ZNF423: variants seen among roughly 807,000 people sequenced by gnomAD.
ZNF423 encodes the protein Ebf-associated zinc finger protein.
A neutral mutation model predicts 95.8 loss-of-function variants in ZNF423; 12 were observed. The observed-to-expected ratio is 0.13, with a 90% confidence interval of 0.08 to 0.20. ZNF423 has a LOEUF of 0.20. Among genes scored for constraint, ZNF423 ranks in the 10% least tolerant of loss-of-function variants. The probability of loss-of-function intolerance (pLI) is 1.00; values close to 1 mark genes in which losing one functional copy is unlikely to be tolerated. For missense variants in ZNF423, 1,316 were observed against 1,737.1 expected, an observed-to-expected ratio of 0.76 and a Z score of 4.31; for synonymous variants, 749 against 711.9, an observed-to-expected ratio of 1.05 and a Z score of -0.83.
chr16:49,796,686 G>A (rs372876951), intron 1 of ZNF423, among the ~76,000 whole-genome samples: 1 of 152,192 alleles, frequency 6.6e-6, no homozygotes, highest in East Asian at 1.9e-4. Context: ...AGGGTCAGAG[G>A]AGGCCTCTAG....
chr16:49,596,855 G>A (rs927896276), intron 5 of ZNF423, among the ~76,000 whole-genome samples: 18 of 152,178 alleles, frequency 1.2e-4, no homozygotes, highest in African/African-American at 4.3e-4. Flanking sequence ...TCACCCCCTA[G>A]GGATTGGCAG....
At chr16:49,824,086 T>G (rs1290000535) in intron 1 of ZNF423, among the ~76,000 whole-genome samples, 1 of 150,926 alleles carries the variant, frequency 6.6e-6, no homozygotes, top group Non-Finnish European at 1.5e-5. Flanking sequence ...CAAAAAAAAT[T>G]TTTTTTTAAT....
chr16:49,624,191 C>T (rs530846846), intron 5 of ZNF423, among the ~76,000 whole-genome samples: 18 of 151,848 alleles, frequency 1.2e-4, no homozygotes, highest in South Asian at 4.2e-4. Context: ...TATATATAAA[C>T]GCAAAATATA....
chr16:49,818,432 G>A (rs957083995), intron 1 of ZNF423, among the ~76,000 whole-genome samples: 11 of 152,182 alleles, frequency 7.2e-5, no homozygotes, highest in African/African-American at 2.2e-4. Flanking sequence ...AAATCAAACT[G>A]GGCATGGTGG....
At chr16:49,579,973 T>C (rs902774993) in intron 5 of ZNF423, among the ~76,000 whole-genome samples, 1 of 152,132 alleles carries the variant, frequency 6.6e-6, no homozygotes, top group African/African-American at 2.4e-5. Flanking sequence ...GCCACCACCA[T>C]GGACTGTCAT....
At position 49,745,567 on chromosome 16, in the gene ZNF423, T is replaced by C. The variant is rs116444424; in HGVS notation, c.101-14596A>G. ...ATTACCTTGAAGCCCAGCAAACTCG[T>C]ACCTGACTGTCTATTGTGAAGACAT... On this transcript the variant is annotated intron_variant, in intron 2 of 7. Transcript: ENST00000563137. 7.6e-3 allele frequency among the ~76,000 whole-genome samples: 1,154 copies of C among 152,336 alleles called. 21 individuals are homozygous for C. Among genetic ancestry groups the C allele is most frequent in the African/African-American group, 0.026 (1,099 of 41,580 alleles).
In ZNF423 at chr16:49,778,726, G is replaced by A. The variant is rs140824856; in HGVS notation, c.100+10761C>T. On this transcript the variant is annotated intron_variant, in intron 2 of 7. Coordinates refer to ENST00000563137, the MANE Select transcript of ZNF423 (RefSeq NM_001379286.1). ...GGGGAGAAAGGCAGGAAGCTGTGACGATGTGACGAGAAGGAGGGGCCCATC... is the reference window on the plus strand; with the variant it reads ...GGGGAGAAAGGCAGGAAGCTGTGACAATGTGACGAGAAGGAGGGGCCCATC... Among the ~76,000 whole-genome samples the A allele has an allele frequency of 1.1e-4, 17 of 152,354 alleles. 1 individual carries two copies. The East Asian group carries it at 2.5e-3, about 23-fold the overall frequency.
intron 2 of ZNF423, among the ~76,000 whole-genome samples, chr16:49,767,040 A>C (rs1377196014): frequency 6.6e-6 from 1 of 151,276 alleles, no homozygotes; most frequent in African/African-American, 2.4e-5. Flanking sequence ...GTGCAAACAC[A>C]GCTCACTCAC....
At chr16:49,810,935 A>G (rs2034740971) in intron 1 of ZNF423, among the ~76,000 whole-genome samples, 1 of 152,078 alleles carries the variant, frequency 6.6e-6, no homozygotes. Context: ...GCCCACGAGG[A>G]TGTGGCTAAG....
chr16:49,524,685 TA>T (rs1056209467), intron 6 of ZNF423, among the ~76,000 whole-genome samples: 6 of 152,166 alleles, frequency 3.9e-5, no homozygotes, highest in Non-Finnish European at 8.8e-5. Context: ...ACTTCAGAGA[TA>T]CCCTCCTGCC....
rs143345609 is a variant in ZNF423 at position 49,762,446 on chromosome 16, G to A, written c.100+27041C>T. ...GCCCTTCGCAGGGCACAAAGACCCC[G>A]AGTGAGCTTCCCAACCTCTCTGTGA... On this transcript the variant is annotated intron_variant, in intron 2 of 7. Transcript: ENST00000563137. 1.2e-3 allele frequency among the ~76,000 whole-genome samples: 182 copies of A among 152,290 alleles called. 1 individual carries two copies. The highest frequency in any genetic ancestry group is 7.3e-3 in the Admixed American group (111 of 15,294).
intron 5 of ZNF423, among the ~76,000 whole-genome samples, chr16:49,601,480 G>A (rs1054825779): frequency 1.8e-4 from 27 of 152,204 alleles, no homozygotes; most frequent in African/African-American, 6.5e-4. Context: ...CACAGGAACG[G>A]AACCTGGTTA....
chr16:49,793,820 C>T (rs2034454063), intron 1 of ZNF423, among the ~76,000 whole-genome samples: 1 of 152,140 alleles, frequency 6.6e-6, no homozygotes, highest in Non-Finnish European at 1.5e-5. Context: ...GATGTGAATA[C>T]ACAGGGAGGG....
At chr16:49,736,903 C>T (rs752227553) in intron 2 of ZNF423, among the ~76,000 whole-genome samples, 9 of 152,176 alleles carry the variant, frequency 5.9e-5, no homozygotes, top group East Asian at 5.8e-4. Flanking sequence ...CCTGCAGAAA[C>T]GCTGTGCAGC....
At chr16:49,772,734 C>T (rs1027500244) in intron 2 of ZNF423, among the ~76,000 whole-genome samples, 1 of 152,170 alleles carries the variant, frequency 6.6e-6, no homozygotes, top group African/African-American at 2.4e-5. Context: ...TCTTAAAACC[C>T]CAGAGTCAAA....
intron 7 of ZNF423, among the ~76,000 whole-genome samples, chr16:49,511,604 GGTGA>G (rs1967898297): frequency 6.6e-6 from 1 of 152,206 alleles, no homozygotes; most frequent in Admixed American, 6.5e-5. Context: ...ACTACTTTGG[GGTGA>G]GGGGCTCAGG....
At chr16:49,615,592 C>A (rs906773668) in intron 5 of ZNF423, among the ~76,000 whole-genome samples, 2 of 152,188 alleles carry the variant, frequency 1.3e-5, no homozygotes, top group African/African-American at 4.8e-5. Flanking sequence ...AGCTGGGAGG[C>A]CTGAAGTCCC....
upstream of ZNF423, among the ~76,000 whole-genome samples, chr16:49,858,902 A>T (rs1210741134): frequency 6.6e-6 from 1 of 152,060 alleles, no homozygotes. The surrounding 1 kb of genome is among the most constrained non-coding windows in gnomAD (Gnocchi z 4.3). Context: ...AGTGGCTGAC[A>T]GGCGGCAGAT....
intron 3 of ZNF423, chr16:49,664,161 G>T: frequency 6.1e-6 from 6 of 985,626 alleles, no homozygotes; most frequent in Non-Finnish European, 7.2e-6. Context: ...CCTGAGCCCG[G>T]GTTCCCAGCA....
Sources: allele counts gnomAD v4.1 joint callset (sites outside exome capture counted in the v4.1 genomes callset), GRCh38; gene constraint gnomAD v4.1.1; non-coding constraint Gnocchi (gnomAD v3.1); transcripts MANE v1.5; gene names NCBI Gene and HGNC (gene_info 2026-07-23, HGNC 2026-07-21).